The following TRMT11 variants were observed in gnomAD, a reference collection of about 807,000 sequenced individuals.
TRMT11 encodes the protein tRNA methyltransferase 11, also known as tRNA (guanine(10)-N(2))-methyltransferase TRMT11.
TRMT11 carries 53 observed loss-of-function variants against 62.8 expected under a neutral mutation model. The ratio of observed to expected loss-of-function variants is 0.84; its 90% CI spans 0.68 to 1.06. The LOEUF is 1.06. Among genes scored for constraint, TRMT11 ranks in the 50% least tolerant of loss-of-function variants. The pLI is 0.00. For missense variants in TRMT11, 556 were observed against 553.4 expected (o/e 1.00, Z -0.05); for synonymous variants, 188 against 190.3 (o/e 0.99, Z 0.10).
the TRMT11 span, chr6:126,257,803 G>T: frequency 7.0e-6 from 5 of 714,972 alleles, no homozygotes; most frequent in Non-Finnish European, 1.2e-5. Flanking sequence ...AAGGGGGCAG[G>T]GGAAGAGACC....
intron 12 of TRMT11, among the ~76,000 whole-genome samples, chr6:126,034,019 C>T (rs907354796): frequency 6.6e-5 from 10 of 152,054 alleles, no homozygotes; most frequent in African/African-American, 2.4e-4. Context: ...CATAATGTTG[C>T]TGTTCAGTGA....
At chr6:126,123,993 T>TA (rs1468781268) in intron 21 of TRMT11, among the ~76,000 whole-genome samples, 3 of 152,074 alleles carry the variant, frequency 2.0e-5, no homozygotes. Context: ...TTACTTAGTT[T>TA]AAAAATTTTT....
chr6:126,159,503 T>G (rs1226480028), intron 21 of TRMT11, among the ~76,000 whole-genome samples: 2 of 152,208 alleles, frequency 1.3e-5, no homozygotes, highest in Non-Finnish European at 2.9e-5. Context: ...CAGAAAGAAC[T>G]TGGCCACTGA....
chr6:126,021,324 AAAG>A lies in TRMT11; in HGVS notation c.1260+45_1260+47del, dbSNP rs754096905. ...TTTGGGATAAATTCTGAAAGAATCA[AAAG>A]TAGTTGTTTCTAAATAGTTTTCCTG... On this transcript the variant is annotated intron_variant, in intron 12 of 12. Transcript: ENST00000334379. 10 of 1,600,222 alleles carry A rather than the reference AAAG, an allele frequency of 6.2e-6. No homozygotes were observed. The East Asian group carries it at 2.2e-4, about 36-fold the overall frequency.
the TRMT11 span, among the ~76,000 whole-genome samples, chr6:126,209,392 G>A: frequency 1.3e-5 from 2 of 152,088 alleles, no homozygotes; most frequent in African/African-American, 4.8e-5. Context: ...TTCTCTGTAA[G>A]GTTGCAAAGC....
intron 1 of TRMT11, 152 bp downstream of exon 1, chr6:125,986,774 G>T: frequency 1.4e-6 from 1 of 698,726 alleles, no homozygotes; most frequent in South Asian, 1.9e-5. Flanking sequence ...CTCGGGCGGG[G>T]TGAGCTTGGC....
chr6:126,045,555 A>T (rs776475708), intron 16 of TRMT11, among the ~76,000 whole-genome samples: 4 of 152,192 alleles, frequency 2.6e-5, no homozygotes, highest in Non-Finnish European at 5.9e-5. Context: ...GTTGCAGGCC[A>T]AGTATCAGAA....
chr6:126,249,323 C>T, the TRMT11 span, among the ~76,000 whole-genome samples: 5 of 151,850 alleles, frequency 3.3e-5, no homozygotes. Context: ...TTATGCTGCC[C>T]CCACCCCTCT....
intron 3 of TRMT11, 70 bp downstream of exon 3, chr6:125,996,110 GCT>G: frequency 1.9e-6 from 2 of 1,080,696 alleles, no homozygotes; most frequent in Non-Finnish European, 2.8e-6. Flanking sequence ...CCTGTTTTTT[GCT>G]ATATTGGGCA....
chr6:126,184,896 C>T (rs1033557735), intron 1 of TRMT11, among the ~76,000 whole-genome samples: 7 of 152,114 alleles, frequency 4.6e-5, no homozygotes, highest in South Asian at 2.1e-4. Flanking sequence ...TCCAAAAACA[C>T]GAAACAGGGA....
chr6:126,104,615 C>T (rs960812698), intron 17 of TRMT11, among the ~76,000 whole-genome samples: 7 of 152,308 alleles, frequency 4.6e-5, no homozygotes, highest in Admixed American at 4.6e-4. Context: ...GAAGACCTCA[C>T]TGAAGGAAGG....
chr6:126,078,725 A>T (rs1777090911), intron 17 of TRMT11, among the ~76,000 whole-genome samples: 1 of 152,192 alleles, frequency 6.6e-6, no homozygotes, highest in African/African-American at 2.4e-5. Flanking sequence ...CAGCTGCTTC[A>T]GAAAAGTCAT....
intron 21 of TRMT11, among the ~76,000 whole-genome samples, chr6:126,122,111 G>A (rs1398609435): frequency 6.6e-6 from 1 of 152,178 alleles, no homozygotes; most frequent in South Asian, 2.1e-4. Context: ...CCCTGCACAT[G>A]CTGTCTTGCC....
At chr6:126,208,522 G>A (rs1176238972), downstream of TRMT11, among the ~76,000 whole-genome samples, 2 of 152,096 alleles carry the variant, frequency 1.3e-5, no homozygotes, top group African/African-American at 2.4e-5. Flanking sequence ...CATATATAAT[G>A]TAAATAAAGA....
Position 126,048,428 on chromosome 6 carries a change from G to C in TRMT11, c.*1370-4695G>C, listed in dbSNP as rs77685683. ...GTGGTTTGATCCACCACTTGGAAAA[G>C]TAGAGATTTGCAGATTGAAGACATC... On this transcript the variant is annotated intron_variant and NMD_transcript_variant, in intron 16 of 22. Transcript: ENST00000648977. Among the ~76,000 whole-genome samples, 1,475 of 152,300 alleles carry C rather than the reference G, an allele frequency of 9.7e-3. 20 individuals carry two copies. Among genetic ancestry groups the C allele is most frequent in the African/African-American group, 0.033 (1,366 of 41,550 alleles).
chr6:126,170,132 C>T (rs1778313871), intron 21 of TRMT11, among the ~76,000 whole-genome samples: 1 of 151,902 alleles, frequency 6.6e-6, no homozygotes, highest in Admixed American at 6.6e-5. Context: ...TTTTGTCAGC[C>T]TGGTGTCTTT....
intron 17 of TRMT11, among the ~76,000 whole-genome samples, chr6:126,057,558 G>GA (rs1431403827): frequency 1.3e-5 from 2 of 152,156 alleles, no homozygotes; most frequent in African/African-American, 4.8e-5. Flanking sequence ...AATTTGAGGA[G>GA]AAATCATTCT....
intron 17 of TRMT11, among the ~76,000 whole-genome samples, chr6:126,110,215 A>C (rs1242318137): frequency 6.6e-6 from 1 of 152,098 alleles, no homozygotes; most frequent in Non-Finnish European, 1.5e-5. Context: ...GGGGGCATTT[A>C]ATGAAAATTT....
At chr6:126,268,633 A>G in the TRMT11 span, among the ~76,000 whole-genome samples, 2 of 152,288 alleles carry the variant, frequency 1.3e-5, no homozygotes, top group Admixed American at 1.3e-4. Context: ...CAGCTGGGAC[A>G]TTCTGCTGCA....
Sources: gnomAD v4.1 joint callset for allele counts (sites outside exome capture counted in the v4.1 genomes callset) on GRCh38, gnomAD v4.1.1 for gene constraint, MANE v1.5 for transcripts, NCBI Gene and HGNC (gene_info 2026-07-23, HGNC 2026-07-21) for gene names.